Variants in AFG2A observed in about 807,000 individuals in gnomAD.
AFG2A encodes the protein ATPase family gene 2 protein homolog A.
the AFG2A span, among the ~76,000 whole-genome samples, chr4:123,277,322 T>C: frequency 5.3e-5 from 8 of 152,186 alleles, no homozygotes; most frequent in African/African-American, 1.2e-4. Context: ...TTTTTGTACA[T>C]TGATTTTGTA....
the AFG2A span, among the ~76,000 whole-genome samples, chr4:123,012,022 G>A: frequency 1.4e-5 from 2 of 141,016 alleles, no homozygotes; most frequent in East Asian, 4.6e-4. Context: ...GAGACATGGA[G>A]AGAAGGGGTG....
the AFG2A span, chr4:122,979,176 C>A: frequency 4.5e-6 from 7 of 1,569,118 alleles, no homozygotes; most frequent in East Asian, 1.6e-4. Flanking sequence ...GCCATCAATT[C>A]AGTCTGTATT....
chr4:123,042,127 A>G, the AFG2A span, among the ~76,000 whole-genome samples: 1 of 152,300 alleles, frequency 6.6e-6, no homozygotes, highest in South Asian at 2.1e-4. Context: ...AATATTTTTG[A>G]AGCAGCATTG....
the AFG2A span, among the ~76,000 whole-genome samples, chr4:123,298,356 C>G: frequency 6.6e-6 from 1 of 152,178 alleles, no homozygotes; most frequent in Non-Finnish European, 1.5e-5. Context: ...TTCATCGAGA[C>G]GGAATCCCGA....
At chr4:123,007,225 T>C in the AFG2A span, among the ~76,000 whole-genome samples, 1 of 152,136 alleles carries the variant, frequency 6.6e-6, no homozygotes, top group Non-Finnish European at 1.5e-5. Flanking sequence ...AGGGTTGATT[T>C]TTCCACTCTA....
At chr4:123,213,812 T>A in the AFG2A span, among the ~76,000 whole-genome samples, 4 of 152,102 alleles carry the variant, frequency 2.6e-5, no homozygotes, top group African/African-American at 4.8e-5. Flanking sequence ...GAAATGAGAC[T>A]TCCTTGCCAG....
chr4:123,233,279 G>GCA, the AFG2A span, among the ~76,000 whole-genome samples: 8,150 of 147,040 alleles, frequency 0.055, 323 homozygotes, highest in East Asian at 0.16. Context: ...ACACACACAC[G>GCA]CACACACACA....
At chr4:123,260,711 T>C in the AFG2A span, among the ~76,000 whole-genome samples, 8 of 152,298 alleles carry the variant, frequency 5.3e-5, no homozygotes, top group South Asian at 1.0e-3. Context: ...AAACAACACA[T>C]GTGAGATAGG....
the AFG2A span, among the ~76,000 whole-genome samples, chr4:123,289,649 C>CT: frequency 6.6e-6 from 1 of 152,122 alleles, no homozygotes; most frequent in African/African-American, 2.4e-5. Context: ...TAAGCATTCC[C>CT]TTTTCTCTGC....
At chr4:123,003,226 T>C in the AFG2A span, among the ~76,000 whole-genome samples, 1 of 152,198 alleles carries the variant, frequency 6.6e-6, no homozygotes, top group Non-Finnish European at 1.5e-5. Context: ...TTCAAAGTTT[T>C]CAACTTCTTT....
the AFG2A span, among the ~76,000 whole-genome samples, chr4:123,309,068 A>G: frequency 1.3e-5 from 2 of 152,226 alleles, no homozygotes; most frequent in African/African-American, 4.8e-5. Flanking sequence ...AATAAGCAAG[A>G]GCCATAATGT....
the AFG2A span, chr4:122,979,433 C>G: frequency 1.3e-6 from 2 of 1,564,872 alleles, no homozygotes; most frequent in African/African-American, 2.7e-5. Context: ...GAATTAAACT[C>G]TGAAAAAAAT....
the AFG2A span, among the ~76,000 whole-genome samples, chr4:122,985,568 A>G: frequency 8.5e-5 from 13 of 152,232 alleles, no homozygotes; most frequent in South Asian, 1.9e-3. Flanking sequence ...ATTTATGTGC[A>G]TACAGGTGTT....
chr4:123,003,122 C>T, the AFG2A span, among the ~76,000 whole-genome samples: 4 of 152,206 alleles, frequency 2.6e-5, no homozygotes, highest in Non-Finnish European at 2.9e-5. Context: ...CTGCATTCTT[C>T]ACGTAGTTCT....
chr4:123,226,060 T>C, the AFG2A span, among the ~76,000 whole-genome samples: 2 of 152,218 alleles, frequency 1.3e-5, no homozygotes, highest in Non-Finnish European at 2.9e-5. Flanking sequence ...CACATTGATT[T>C]TGTATCCTGA....
chr4:123,204,066 ACTTT>A, the AFG2A span, among the ~76,000 whole-genome samples: 3 of 152,186 alleles, frequency 2.0e-5, no homozygotes. Flanking sequence ...TCATCTGCTA[ACTTT>A]CTTCTGCCTC....
the AFG2A span, among the ~76,000 whole-genome samples, chr4:123,174,685 T>C: frequency 6.6e-6 from 1 of 152,024 alleles, no homozygotes; most frequent in African/African-American, 2.4e-5. Flanking sequence ...TTACAAAATT[T>C]TAAAAATAAA....
the AFG2A span, among the ~76,000 whole-genome samples, chr4:122,990,777 C>A: frequency 6.6e-6 from 1 of 152,132 alleles, no homozygotes; most frequent in African/African-American, 2.4e-5. Flanking sequence ...TTTGTAGAGA[C>A]GAGGTCTTGC....
At chr4:123,275,501 CT>C in the AFG2A span, among the ~76,000 whole-genome samples, 1 of 151,872 alleles carries the variant, frequency 6.6e-6, no homozygotes, top group Non-Finnish European at 1.5e-5. Flanking sequence ...TTTAATTTAA[CT>C]TTTATTTTAG....
Sources: allele counts gnomAD v4.1 joint callset (sites outside exome capture counted in the v4.1 genomes callset), GRCh38; gene constraint gnomAD v4.1.1; transcripts MANE v1.5; gene names NCBI Gene and HGNC (gene_info 2026-07-23, HGNC 2026-07-21).